The following ANKS1A variants were observed in gnomAD, a reference collection of about 807,000 sequenced individuals.
ANKS1A encodes ankyrin repeat and sterile alpha motif domain containing 1A, also known as ankyrin repeat and SAM domain-containing protein 1A.
In ANKS1A, 55 loss-of-function variants were observed where a neutral mutation model predicts 120.3. That is an observed-to-expected ratio of 0.46 (90% CI 0.37 to 0.57). The LOEUF (loss-of-function observed/expected upper bound fraction) is 0.57, where lower values mean the gene tolerates loss of function less well. Ranked by LOEUF, ANKS1A falls within the 20% of genes least tolerant of loss-of-function variation. ANKS1A has a pLI of 0.00. For missense variants in ANKS1A, 1,123 were observed against 1,480.3 expected, an observed-to-expected ratio of 0.76 and a Z score of 3.96; for synonymous variants, 590 against 604.7, an observed-to-expected ratio of 0.98 and a Z score of 0.36.
chr6:35,033,801 C>T lies in ANKS1A; in HGVS notation c.2010+15742C>T, dbSNP rs116020875. Reference sequence around the variant, plus strand: ...TGGTCCTCATGCAGAGATGCATTAACGTCTCTCTGTGCTCTGGAAGGGGTT... The same window carrying T: ...TGGTCCTCATGCAGAGATGCATTAATGTCTCTCTGTGCTCTGGAAGGGGTT... On this transcript the variant is annotated intron_variant, in intron 11 of 23. Coordinates refer to ENST00000360359, the MANE Select transcript of ANKS1A (RefSeq NM_015245.3). Among the ~76,000 whole-genome samples, 895 of 152,304 alleles carry T rather than the reference C, an allele frequency of 5.9e-3. 6 individuals carry two copies. The highest frequency in any genetic ancestry group is 9.0e-3 in the Non-Finnish European group (614 of 68,034).
At chr6:34,953,469 A>C (rs979022774) in intron 1 of ANKS1A, among the ~76,000 whole-genome samples, 6 of 152,332 alleles carry the variant, frequency 3.9e-5, no homozygotes, top group African/African-American at 1.4e-4. Flanking sequence ...TGTGGAATGC[A>C]GAAAACTGGG....
At chr6:35,018,180 C>A in intron 11 of ANKS1A, 121 bp downstream of exon 11, 1 of 936,432 alleles carries the variant, frequency 1.1e-6, no homozygotes, top group Non-Finnish European at 1.6e-6. Context: ...GGTTCCTTCA[C>A]TCCGTAACTA....
chr6:35,077,311 C>G (rs139236049), intron 13 of ANKS1A, among the ~76,000 whole-genome samples: 2 of 152,236 alleles, frequency 1.3e-5, no homozygotes, highest in African/African-American at 4.8e-5. Context: ...CAACAGGGAA[C>G]TGGCTGAATA....
chr6:34,991,541 T>TATACAC (rs1228386866), intron 9 of ANKS1A, among the ~76,000 whole-genome samples: 1 of 138,484 alleles, frequency 7.2e-6, no homozygotes, highest in African/African-American at 2.8e-5. Context: ...AAAAAATATA[T>TATACAC]ACACACACAC....
intron 3 of ANKS1A, among the ~76,000 whole-genome samples, chr6:34,978,290 T>C (rs1339894591): frequency 1.3e-5 from 2 of 152,150 alleles, no homozygotes; most frequent in Admixed American, 1.3e-4. Flanking sequence ...GAATGGAGAA[T>C]TTGTGCAAAA....
At position 35,090,987 on chromosome 6, in the gene ANKS1A, G is replaced by C. The variant is rs568751846; in HGVS notation, c.*2378G>C. The C allele has an allele frequency of 1.7e-4, 163 of 985,884 alleles. No individual in the cohort carries two copies. In the Admixed American group the frequency reaches 4.1e-3, roughly 24 times the overall value. The allele number at this position is 985,884 out of a possible 1,614,324, so 61.1% of individuals were successfully genotyped here. On this transcript the variant is annotated 3_prime_UTR_variant, in exon 24 of 24. Transcript: ENST00000360359. The stretch of plus-strand genomic sequence containing the variant: ...ACTAATGGGAGTTCCCGAGATGCTC[G>C]GGTTTGAGCAGGGAGCAGGCAGAGC...
chr6:34,928,095 C>T (rs770270669), intron 1 of ANKS1A, among the ~76,000 whole-genome samples: 16 of 152,288 alleles, frequency 1.1e-4, no homozygotes, highest in Non-Finnish European at 2.2e-4. Context: ...TCCTCTTGAG[C>T]CAAAGGCTTT....
intron 11 of ANKS1A, chr6:35,023,668 G>T: frequency 4.6e-6 from 2 of 430,186 alleles, no homozygotes; most frequent in South Asian, 3.9e-5. Flanking sequence ...GTAGCTGTTG[G>T]ATCAGGCTCT....
intron 8 of ANKS1A, among the ~76,000 whole-genome samples, chr6:34,987,475 T>A (rs867757826): frequency 7.2e-5 from 11 of 152,200 alleles, no homozygotes; most frequent in Non-Finnish European, 1.3e-4. Flanking sequence ...GGCCTGCTCC[T>A]TTTGCTGTTC....
chr6:35,060,584 C>T lies in ANKS1A; in HGVS notation c.2184+331C>T, dbSNP rs1776447610. Among the ~76,000 whole-genome samples, 1 of 152,162 alleles carries T rather than the reference C, an allele frequency of 6.6e-6. No individual in the cohort carries two copies. On this transcript the variant is annotated intron_variant, in intron 13 of 23. Coordinates refer to ENST00000360359, the MANE Select transcript of ANKS1A (RefSeq NM_015245.3). The surrounding 1 kb of genome is among the most constrained non-coding windows in gnomAD (Gnocchi z 4.5). ...TGGGTACGAGGAGTTTTATTTATTT[C>T]TCAAAACTTGGTGTCAAGTGAGTTG...
At chr6:35,070,532 C>T (rs1777028885) in intron 13 of ANKS1A, among the ~76,000 whole-genome samples, 1 of 133,148 alleles carries the variant, frequency 7.5e-6, no homozygotes, top group African/African-American at 2.8e-5. Context: ...CTCTGTTGCC[C>T]AGGCTAGAGT....
Position 34,931,568 on chromosome 6 carries a change from CA to C in ANKS1A, c.198-35668del, listed in dbSNP as rs1391097361. ...CCCCTTCTGCTTTTTTTACTCTCTA[CA>C]AATGGCATTACTTCATGGAGCCACA... On this transcript the variant is annotated intron_variant, in intron 1 of 23. Coordinates refer to ENST00000360359, the MANE Select transcript of ANKS1A (RefSeq NM_015245.3). 2.0e-5 allele frequency among the ~76,000 whole-genome samples: 3 copies of C among 152,302 alleles called. No homozygotes were observed. In the East Asian group the frequency reaches 5.8e-4, roughly 29 times the overall value.
chr6:35,008,541 C>T (rs540042408), intron 10 of ANKS1A, among the ~76,000 whole-genome samples: 83 of 152,306 alleles, frequency 5.4e-4, no homozygotes, highest in South Asian at 1.4e-3. Context: ...GGAGCTCCTG[C>T]ACAAAGTCCT....
chr6:34,902,470 A>ACTCCTGAC (rs1767401729), intron 1 of ANKS1A, among the ~76,000 whole-genome samples: 1 of 150,534 alleles, frequency 6.6e-6, no homozygotes, highest in African/African-American at 2.4e-5. Flanking sequence ...CTGGTCTGGG[A>ACTCCTGAC]CTCCTGACCT....
intron 3 of ANKS1A, among the ~76,000 whole-genome samples, chr6:34,970,983 G>C (rs1771156291): frequency 6.6e-6 from 1 of 152,218 alleles, no homozygotes; most frequent in Non-Finnish European, 1.5e-5. Flanking sequence ...ACTGCAGCCT[G>C]GGTGACAGAG....
In ANKS1A at chr6:35,081,114, C is replaced by G; in HGVS notation, c.2665C>G (p.His889Asp). Residue 889 changes from histidine (H) to aspartate (D), a missense_variant, in exon 17 of 24, where the codon CAT becomes GAT. His to Asp is a moderately conservative substitution (Grantham distance 81, BLOSUM62 -1). Coordinates refer to ENST00000360359, the MANE Select transcript of ANKS1A (RefSeq NM_015245.3). ...DTGRRRHDSLHDPAAPSRAER... is the reference protein window; with the variant it reads ...DTGRRRHDSLDDPAAPSRAER... ...AGGCAGGAGGCGCCATGACAGTCTC[C>G]ATGACCCTGCGGCACCCTCCCGAGC... 6.2e-7 allele frequency: 1 copy of G among 1,613,466 alleles called. No homozygotes were observed. The highest frequency in any genetic ancestry group is 8.5e-7 in the Non-Finnish European group (1 of 1,179,922).
At chr6:35,013,310 G>A (rs1361126887) in intron 10 of ANKS1A, among the ~76,000 whole-genome samples, 1 of 150,958 alleles carries the variant, frequency 6.6e-6, no homozygotes, top group Non-Finnish European at 1.5e-5. Context: ...TTTATTTTTT[G>A]GTGAGACAAG....
At chr6:35,031,995 T>C (rs1442011458) in intron 11 of ANKS1A, among the ~76,000 whole-genome samples, 3 of 152,232 alleles carry the variant, frequency 2.0e-5, no homozygotes, top group African/African-American at 4.8e-5. Context: ...TAGTCACTCA[T>C]TCACCACACT....
At chr6:34,997,061 A>T (rs1283469724) in intron 10 of ANKS1A, among the ~76,000 whole-genome samples, 1 of 151,508 alleles carries the variant, frequency 6.6e-6, no homozygotes, top group Non-Finnish European at 1.5e-5. Context: ...CCATCCCCAC[A>T]CCCGGTTCTT....
Sources: gnomAD v4.1 joint callset for allele counts (sites outside exome capture counted in the v4.1 genomes callset) on GRCh38, gnomAD v4.1.1 for gene constraint, Gnocchi (gnomAD v3.1) non-coding constraint, MANE v1.5 for transcripts, NCBI Gene and HGNC (gene_info 2026-07-23, HGNC 2026-07-21) for gene names.